The following TYR variants were observed in gnomAD, a reference collection of about 807,000 sequenced individuals.
TYR encodes LB24-AB.
TYR carries 58 observed loss-of-function variants against 51.5 expected under a neutral mutation model. That is an observed-to-expected ratio of 1.13 (90% confidence interval 0.91 to 1.40). TYR has a LOEUF of 1.40. TYR is among the 40% of genes most tolerant of loss of function. TYR has a pLI of 0.00. For missense variants in TYR, 732 were observed against 647.4 expected (o/e 1.13, Z -1.42); for synonymous variants, 263 against 235.2 (o/e 1.12, Z -1.08).
chr11:89,196,988 C>T (rs1943527985), intron 2 of TYR, among the ~76,000 whole-genome samples: 1 of 152,104 alleles, frequency 6.6e-6, no homozygotes, highest in Non-Finnish European at 1.5e-5. Context: ...CACGTAAATA[C>T]ATAAAATGGT....
At chr11:89,279,522 C>G (rs192327671) in intron 3 of TYR, among the ~76,000 whole-genome samples, 30 of 151,808 alleles carry the variant, frequency 2.0e-4, no homozygotes, top group Admixed American at 1.8e-3. Flanking sequence ...AGCATAAAAT[C>G]TAAGCATAAA....
intron 3 of TYR, among the ~76,000 whole-genome samples, chr11:89,240,076 T>A (rs528469903): frequency 6.6e-6 from 1 of 152,182 alleles, no homozygotes; most frequent in African/African-American, 2.4e-5. Context: ...GTAAGCCCTA[T>A]GTTTCTCTAT....
At chr11:89,189,186 AT>A (rs1469334250) in intron 1 of TYR, among the ~76,000 whole-genome samples, 2 of 152,012 alleles carry the variant, frequency 1.3e-5, no homozygotes, top group Non-Finnish European at 2.9e-5. Context: ...ACTGCCATTT[AT>A]TTGCCATATA....
chr11:89,209,098 G>A (rs1943714654), intron 2 of TYR, among the ~76,000 whole-genome samples: 1 of 152,176 alleles, frequency 6.6e-6, no homozygotes, highest in Non-Finnish European at 1.5e-5. Context: ...CGGACAGTGG[G>A]TGCAGCCCAC....
intron 1 of TYR, among the ~76,000 whole-genome samples, chr11:89,181,552 C>T (rs536125128): frequency 4.1e-4 from 63 of 152,272 alleles, no homozygotes; most frequent in African/African-American, 1.4e-3. Context: ...TGAGTTAAGA[C>T]CTTCCAAATT....
chr11:89,224,466 C>A (rs1490709288), intron 2 of TYR, among the ~76,000 whole-genome samples: 1 of 152,130 alleles, frequency 6.6e-6, no homozygotes, highest in African/African-American at 2.4e-5. Context: ...ATCTTTTTTA[C>A]AGCAGTATCT....
At chr11:89,264,743 A>AC in intron 3 of TYR, among the ~76,000 whole-genome samples, 1 of 151,546 alleles carries the variant, frequency 6.6e-6, no homozygotes, top group Non-Finnish European at 1.5e-5. Context: ...GCCAAAAAAA[A>AC]AAAACAAACA....
intron 2 of TYR, among the ~76,000 whole-genome samples, chr11:89,223,526 A>C (rs973058449): frequency 6.6e-6 from 1 of 152,214 alleles, no homozygotes; most frequent in Non-Finnish European, 1.5e-5. Flanking sequence ...GACAGGTGCC[A>C]GAGTAGAGCT....
At chr11:89,215,829 A>G (rs77999371) in intron 2 of TYR, among the ~76,000 whole-genome samples, 1 of 152,132 alleles carries the variant, frequency 6.6e-6, no homozygotes, top group Non-Finnish European at 1.5e-5. Flanking sequence ...AAGACCCTCC[A>G]TAAGTCATTT....
chr11:89,219,296 CT>C (rs35311585), intron 2 of TYR, among the ~76,000 whole-genome samples: 26,840 of 138,850 alleles, frequency 0.19, 2,915 homozygotes, highest in African/African-American at 0.34. Flanking sequence ...GACAGAGTGA[CT>C]TTTTTTTTTT....
intron 2 of TYR, among the ~76,000 whole-genome samples, chr11:89,196,532 T>G (rs1250285035): frequency 6.6e-6 from 1 of 152,172 alleles, no homozygotes; most frequent in Non-Finnish European, 1.5e-5. Flanking sequence ...GCTGACAGAC[T>G]GATAAATCAA....
intron 4 of TYR, among the ~76,000 whole-genome samples, chr11:89,293,139 T>C (rs1220768794): frequency 2.6e-5 from 4 of 152,160 alleles, no homozygotes; most frequent in African/African-American, 9.7e-5. Flanking sequence ...TACATTTAAA[T>C]TGTCCAACTA....
chr11:89,286,481 T>A (rs1944788387), intron 4 of TYR, among the ~76,000 whole-genome samples: 1 of 151,838 alleles, frequency 6.6e-6, no homozygotes, highest in Admixed American at 6.6e-5. Context: ...GTAGGTATCA[T>A]TATTTCTTTT....
At chr11:89,181,858 G>C (rs181623393) in intron 1 of TYR, among the ~76,000 whole-genome samples, 225 of 152,222 alleles carry the variant, frequency 1.5e-3, no homozygotes, top group Non-Finnish European at 2.1e-3. Flanking sequence ...GATCCATTTA[G>C]GTTCAGAAGG....
intron 1 of TYR, among the ~76,000 whole-genome samples, chr11:89,184,374 C>T (rs983835007): frequency 6.6e-6 from 1 of 152,098 alleles, no homozygotes; most frequent in Non-Finnish European, 1.5e-5. Context: ...ATACTTGTAG[C>T]GTCCAGTTAA....
intron 2 of TYR, among the ~76,000 whole-genome samples, chr11:89,221,884 C>A (rs1365192626): frequency 2.6e-5 from 4 of 152,142 alleles, no homozygotes; most frequent in South Asian, 2.1e-4. Flanking sequence ...AACTACACAC[C>A]TTTTCATATT....
At chr11:89,232,424 T>C (rs1196398153) in intron 3 of TYR, among the ~76,000 whole-genome samples, 3 of 143,480 alleles carry the variant, frequency 2.1e-5, no homozygotes. Context: ...TAGGCCATAA[T>C]CTGAAGTAAA....
intron 2 of TYR, among the ~76,000 whole-genome samples, chr11:89,207,229 T>C (rs145223443): frequency 6.6e-6 from 1 of 151,992 alleles, no homozygotes; most frequent in Non-Finnish European, 1.5e-5. Context: ...ATTAGCAAGA[T>C]TGAAAAGGGA....
intron 1 of TYR, among the ~76,000 whole-genome samples, chr11:89,186,146 C>T (rs942526622): frequency 1.1e-4 from 17 of 152,150 alleles, no homozygotes; most frequent in Non-Finnish European, 1.6e-4. Flanking sequence ...AGTAGGCCAT[C>T]TGACTTTAGC....
Sources: allele counts gnomAD v4.1 joint callset (sites outside exome capture counted in the v4.1 genomes callset), GRCh38; gene constraint gnomAD v4.1.1; transcripts MANE v1.5; gene names NCBI Gene and HGNC (gene_info 2026-07-23, HGNC 2026-07-21).